TAMM41: variants seen among roughly 807,000 people sequenced by gnomAD.
TAMM41 encodes the protein phosphatidate cytidylyltransferase, mitochondrial.
TAMM41 carries 36 observed loss-of-function variants against 44.1 expected under a neutral mutation model. That is an observed-to-expected ratio of 0.82 (90% CI 0.63 to 1.08). TAMM41 has a LOEUF of 1.08. Ranked by LOEUF, TAMM41 falls within the 50% of genes least tolerant of loss-of-function variation. TAMM41 has a pLI of 0.00. For synonymous variants in TAMM41, 164 were observed against 153.1 expected (o/e 1.07, Z -0.53); for missense variants, 417 against 404.3 (o/e 1.03, Z -0.27).
intron 3 of TAMM41, among the ~76,000 whole-genome samples, chr3:11,834,454 T>TTACTTTAGAGGTTTCTTGGC (rs1323862971): frequency 6.6e-6 from 1 of 152,172 alleles, no homozygotes; most frequent in African/African-American, 2.4e-5. Context: ...CTATTAATTA[T>TTACTTTAGAGGTTTCTTGGC]TACTTTAGAG....
chr3:11,837,893 G>A (rs1239608122), intron 3 of TAMM41, among the ~76,000 whole-genome samples: 1 of 152,194 alleles, frequency 6.6e-6, no homozygotes, highest in Non-Finnish European at 1.5e-5. Flanking sequence ...GCAGCAGGAG[G>A]GAGAGTGGAC....
chr3:11,807,148 C>T lies in TAMM41; in HGVS notation c.937+685G>A, dbSNP rs558932397. ...GACATGAGATACAGTAAATGGGGGACCCCCTAGAGGGGACAGCGAAGACAC... is the reference window on the plus strand; with the variant it reads ...GACATGAGATACAGTAAATGGGGGATCCCCTAGAGGGGACAGCGAAGACAC... On this transcript the variant is annotated intron_variant, in intron 7 of 7. Transcript: ENST00000455809. The T allele has an allele frequency of 2.0e-5, 25 of 1,235,646 alleles. No individual in the cohort carries two copies. The Middle Eastern group carries it at 9.4e-4, about 46-fold the overall frequency. 76.5% of individuals were successfully genotyped at this position (1,235,646 alleles called of 1,614,324 possible).
At chr3:11,799,475 C>G (rs933156209) in intron 7 of TAMM41, among the ~76,000 whole-genome samples, 2 of 152,154 alleles carry the variant, frequency 1.3e-5, no homozygotes, top group African/African-American at 4.8e-5. Context: ...CCATAATAAA[C>G]AGAGCAGCCA....
chr3:11,786,286 T>TTTA (rs60089566), downstream of TAMM41, among the ~76,000 whole-genome samples: 15,499 of 138,706 alleles, frequency 0.11, 875 homozygotes, highest in East Asian at 0.13. Context: ...TTTATTTAAT[T>TTTA]TTATTATTAT....
At chr3:11,845,651 G>C (rs2470567) in intron 1 of TAMM41, among the ~76,000 whole-genome samples, 63,109 of 152,046 alleles carry the variant, frequency 0.42, 13,456 homozygotes, top group Middle Eastern at 0.57. Flanking sequence ...AAATAGTAGT[G>C]TAAGTGGGAA....
At chr3:11,784,733 A>G in the TAMM41 span, among the ~76,000 whole-genome samples, 3 of 152,090 alleles carry the variant, frequency 2.0e-5, no homozygotes, top group African/African-American at 7.2e-5. Flanking sequence ...AGATGAATAC[A>G]GTAACTGTAG....
chr3:11,750,997 C>A, the TAMM41 span, among the ~76,000 whole-genome samples: 1 of 151,936 alleles, frequency 6.6e-6, no homozygotes, highest in Non-Finnish European at 1.5e-5. Context: ...GTCCAGGGAG[C>A]ACAATGTCAA....
chr3:11,743,493 C>T, the TAMM41 span, among the ~76,000 whole-genome samples: 14 of 151,942 alleles, frequency 9.2e-5, no homozygotes, highest in Non-Finnish European at 1.6e-4. Flanking sequence ...ACCACCATGC[C>T]GGGTCAATTT....
chr3:11,759,057 T>C, the TAMM41 span, among the ~76,000 whole-genome samples: 3 of 152,206 alleles, frequency 2.0e-5, no homozygotes, highest in Admixed American at 6.5e-5. Flanking sequence ...TTATATGCTT[T>C]AATCTCCCCA....
the TAMM41 span, among the ~76,000 whole-genome samples, chr3:11,756,491 T>C: frequency 6.6e-6 from 1 of 152,180 alleles, no homozygotes; most frequent in Non-Finnish European, 1.5e-5. Flanking sequence ...CTATCTTATA[T>C]ATGAGCAAAT....
At chr3:11,784,110 A>G in the TAMM41 span, among the ~76,000 whole-genome samples, 5 of 152,330 alleles carry the variant, frequency 3.3e-5, no homozygotes, top group East Asian at 7.7e-4. Flanking sequence ...CCAACCAGGT[A>G]AGGAACTCTG....
the TAMM41 span, among the ~76,000 whole-genome samples, chr3:11,754,524 C>T: frequency 7.3e-6 from 1 of 137,206 alleles, no homozygotes; most frequent in East Asian, 2.1e-4. Flanking sequence ...TCCATCACGT[C>T]TGGCTGATTT....
chr3:11,814,324 A>C (rs1026323052), intron 5 of TAMM41, among the ~76,000 whole-genome samples: 1 of 152,170 alleles, frequency 6.6e-6, no homozygotes, highest in African/African-American at 2.4e-5. Flanking sequence ...ACAAGACAAA[A>C]TCTTCAAAAG....
At chr3:11,839,531 G>A (rs1431356567) in intron 2 of TAMM41, among the ~76,000 whole-genome samples, 1 of 152,182 alleles carries the variant, frequency 6.6e-6, no homozygotes, top group African/African-American at 2.4e-5. Flanking sequence ...TATGTAAGGG[G>A]AGGTTGCAAC....
chr3:11,738,841 G>A, the TAMM41 span, among the ~76,000 whole-genome samples: 1 of 152,178 alleles, frequency 6.6e-6, no homozygotes, highest in Non-Finnish European at 1.5e-5. Context: ...GTGGCACCCA[G>A]CAGCCTGTGT....
intron 3 of TAMM41, among the ~76,000 whole-genome samples, chr3:11,831,667 G>A (rs1164026608): frequency 6.6e-6 from 1 of 152,136 alleles, no homozygotes; most frequent in Non-Finnish European, 1.5e-5. Flanking sequence ...TAGAAAGCAA[G>A]GAAAGAGGAG....
intron 5 of TAMM41, among the ~76,000 whole-genome samples, chr3:11,814,951 A>C (rs1575648047): frequency 6.6e-6 from 1 of 152,280 alleles, no homozygotes; most frequent in South Asian, 2.1e-4. Flanking sequence ...GCAACTGAGC[A>C]AGGCCCTGTC....
At chr3:11,771,028 C>A in the TAMM41 span, among the ~76,000 whole-genome samples, 2 of 152,188 alleles carry the variant, frequency 1.3e-5, no homozygotes, top group African/African-American at 4.8e-5. Context: ...CCCTTCTCCC[C>A]TGCAGTTCTC....
At chr3:11,769,114 C>T in the TAMM41 span, among the ~76,000 whole-genome samples, 1 of 152,068 alleles carries the variant, frequency 6.6e-6, no homozygotes, top group Non-Finnish European at 1.5e-5. Flanking sequence ...CATCTACAAA[C>T]AGTCTCACTC....
Sources: gnomAD v4.1 joint callset for allele counts (sites outside exome capture counted in the v4.1 genomes callset) on GRCh38, gnomAD v4.1.1 for gene constraint, MANE v1.5 for transcripts, NCBI Gene and HGNC (gene_info 2026-07-23, HGNC 2026-07-21) for gene names.